The following TMEM38B variants were observed in gnomAD, a reference collection of about 807,000 sequenced individuals.
TMEM38B encodes trimeric intracellular cation channel type B.
Under a neutral mutation model 28.7 loss-of-function variants are expected in TMEM38B, and 24 were observed. The ratio of observed to expected loss-of-function variants is 0.84; its 90% CI spans 0.61 to 1.18. The LOEUF (loss-of-function observed/expected upper bound fraction) is 1.18. TMEM38B is among the 50% of genes most tolerant of loss of function. TMEM38B has a pLI of 0.00. For synonymous variants in TMEM38B, 131 were observed against 127.7 expected, an observed-to-expected ratio of 1.03 and a Z score of -0.17; for missense variants, 380 against 350.9, an observed-to-expected ratio of 1.08 and a Z score of -0.66.
At position 105,748,184 on chromosome 9, in the gene TMEM38B, C is replaced by T. The variant is rs1837502526; in HGVS notation, c.654C>T (p.Ala218=). ...TCCTTTATACCATCTTTATTGTGGC[C>T]ACAAAGGTAAGAATTCAAAGTACCT... ...LMFLYTIFIV[A]TKITMMTTQT... The change falls in exon 5 of 6, where the codon GCC becomes GCT. Residue 218 remains alanine (A), a synonymous_variant. Coordinates refer to ENST00000374692, the MANE Select transcript of TMEM38B (RefSeq NM_018112.3). The T allele has an allele frequency of 6.2e-7, 1 of 1,604,372 alleles. No homozygotes were observed. Among genetic ancestry groups the T allele is most frequent in the Non-Finnish European group, 8.5e-7 (1 of 1,172,164 alleles).
chr9:105,695,210 T>TCGCCACTCGCTCGCAGTGG (rs1564380934), intron 1 of TMEM38B, among the ~76,000 whole-genome samples: 1 of 152,062 alleles, frequency 6.6e-6, no homozygotes, highest in African/African-American at 2.4e-5. Context: ...GCTCGCAGTG[T>TCGCCACTCGCTCGCAGTGG]TTGAAAGTCA....
At chr9:105,737,776 G>A (rs761405199) in intron 4 of TMEM38B, among the ~76,000 whole-genome samples, 83 of 152,194 alleles carry the variant, frequency 5.5e-4, no homozygotes, top group Non-Finnish European at 4.0e-4. Flanking sequence ...GGAGTGCCAC[G>A]TCAGCTCCGG....
chr9:105,770,326 C>G (rs1010620529), intron 5 of TMEM38B, among the ~76,000 whole-genome samples: 2 of 152,114 alleles, frequency 1.3e-5, no homozygotes, highest in African/African-American at 4.8e-5. Flanking sequence ...GCATCCTTAG[C>G]ATTGAGTCTA....
Position 105,721,686 on chromosome 9 carries a change from G to C in TMEM38B, c.419G>C (p.Gly140Ala), listed in dbSNP as rs180727502. The change falls in exon 3 of 6, where the codon GGC (glycine) becomes GCC (alanine). Residue 140 changes from glycine (G) to alanine (A), a missense_variant. Physicochemically the swap from Gly to Ala is moderately conservative, Grantham distance 60 (BLOSUM62 0). Coordinates refer to ENST00000374692, the MANE Select transcript of TMEM38B (RefSeq NM_018112.3). Reference protein sequence around the residue: ...VTHANSYYKNGWIVMIAIGWA... With the variant: ...VTHANSYYKNAWIVMIAIGWA... ...CATGCTAATAGCTATTACAAAAATG[G>C]CTGGATAGTCATGATAGCTATTGGA... 6.2e-6 allele frequency: 10 copies of C among 1,613,044 alleles called. No homozygotes were observed. Among genetic ancestry groups the C allele is most frequent in the Non-Finnish European group, 7.6e-6 (9 of 1,179,446 alleles).
At chr9:105,726,057 C>T (rs1489437976) in intron 4 of TMEM38B, among the ~76,000 whole-genome samples, 4 of 151,756 alleles carry the variant, frequency 2.6e-5, no homozygotes, top group African/African-American at 4.8e-5. Flanking sequence ...TATTTTGAAC[C>T]AGGCATGCAG....
At position 105,694,608 on chromosome 9, in the gene TMEM38B, G is replaced by A. The variant is rs907137573; in HGVS notation, c.-53G>A. On this transcript the variant is annotated 5_prime_UTR_variant, in exon 1 of 6. Coordinates refer to ENST00000374692, the MANE Select transcript of TMEM38B (RefSeq NM_018112.3). ...CCCTCTCCTACTCCTCACCGCGCGA[G>A]CGCGGGGAACCAGTAGCCGCGGCTG... The A allele has an allele frequency of 1.3e-5, 19 of 1,506,996 alleles. No individual in the cohort carries two copies. The highest frequency in any genetic ancestry group is 1.8e-5 in the Non-Finnish European group (19 of 1,085,326). 93.4% of individuals were successfully genotyped at this position (1,506,996 alleles called of 1,614,324 possible).
At chr9:105,769,551 C>T (rs867672427) in intron 5 of TMEM38B, among the ~76,000 whole-genome samples, 1 of 152,102 alleles carries the variant, frequency 6.6e-6, no homozygotes, top group African/African-American at 2.4e-5. Context: ...TGGACTCAAG[C>T]AACCTTCCCG....
rs1196776463 is a variant in TMEM38B, at chr9:105,774,296, A to C, written c.*216A>C. ...TATCATGTGATTATGCTTTACCGGT[A>C]TAAGAGATTCTGTTGTGATTATTTG... On this transcript the variant is annotated 3_prime_UTR_variant, in exon 6 of 6. Coordinates refer to ENST00000374692, the MANE Select transcript of TMEM38B (RefSeq NM_018112.3). 2.4e-6 allele frequency: 1 copy of C among 421,682 alleles called. No individual in the cohort carries two copies. The highest frequency in any genetic ancestry group is 2.0e-5 in the African/African-American group (1 of 49,494). 26.1% of individuals were successfully genotyped at this position (421,682 alleles called of 1,614,324 possible).
intron 4 of TMEM38B, among the ~76,000 whole-genome samples, chr9:105,739,284 T>A (rs1837100006): frequency 6.6e-6 from 1 of 151,902 alleles, no homozygotes; most frequent in South Asian, 2.1e-4. Context: ...AATTAGGCAG[T>A]GTGTGTCCTT....
intron 4 of TMEM38B, among the ~76,000 whole-genome samples, 192 bp from the exon 5 acceptor site, chr9:105,747,881 G>A (rs1373860256): frequency 3.3e-5 from 5 of 152,196 alleles, no homozygotes; most frequent in African/African-American, 1.2e-4. Context: ...ATGTATTTGA[G>A]CAGTTTTGAG....
rs771079105 is a variant in TMEM38B, at chr9:105,694,624, G to A, written c.-37G>A. On this transcript the variant is annotated 5_prime_UTR_variant, in exon 1 of 6. Transcript: ENST00000374692. ...ACCGCGCGAGCGCGGGGAACCAGTA[G>A]CCGCGGCTGCTTCGGTTGCCGCGGT... 11 of 1,573,764 alleles carry A rather than the reference G, an allele frequency of 7.0e-6. No individual in the cohort carries two copies. Among genetic ancestry groups the A allele is most frequent in the Middle Eastern group, 1.8e-4 (1 of 5,688 alleles).
rs1826640067 is a variant in TMEM38B, at chr9:105,773,884, A to C, written c.680A>C (p.Gln227Pro). 1 of 1,613,470 alleles carries C rather than the reference A, an allele frequency of 6.2e-7. No homozygotes were observed. Residue 227 changes from glutamine (Q) to proline (P), a missense_variant, in exon 6 of 6, where the codon CAG (glutamine) becomes CCG (proline). Physicochemically the swap from Gln to Pro is moderately conservative, Grantham distance 76. Coordinates refer to ENST00000374692, the MANE Select transcript of TMEM38B (RefSeq NM_018112.3). ...CCCCAGATAACCATGATGACTACAC[A>C]GACTTCTACTATGACATTTGCTCCT... ...VATKITMMTTQTSTMTFAPFE... is the reference protein window; with the variant it reads ...VATKITMMTTPTSTMTFAPFE...
intron 5 of TMEM38B, among the ~76,000 whole-genome samples, chr9:105,768,537 C>A (rs1333611382): frequency 1.3e-5 from 2 of 151,942 alleles, no homozygotes; most frequent in Non-Finnish European, 2.9e-5. Flanking sequence ...TCATTTGGGC[C>A]TAGAATTTTC....
intron 4 of TMEM38B, among the ~76,000 whole-genome samples, chr9:105,730,031 A>C (rs913828436): frequency 8.5e-5 from 13 of 152,170 alleles, no homozygotes; most frequent in African/African-American, 3.1e-4. Flanking sequence ...AAACAGAGAC[A>C]ATTTGAATTC....
chr9:105,717,184 T>G (rs1408662231), intron 2 of TMEM38B, among the ~76,000 whole-genome samples: 1 of 152,154 alleles, frequency 6.6e-6, no homozygotes, highest in Non-Finnish European at 1.5e-5. Context: ...ACTTCTATGG[T>G]CTCCTCCCAT....
chr9:105,755,063 C>T (rs767703084), intron 5 of TMEM38B, among the ~76,000 whole-genome samples: 3 of 152,184 alleles, frequency 2.0e-5, no homozygotes, highest in Non-Finnish European at 2.9e-5. Context: ...TTCCTGGACA[C>T]ATACACCCTT....
At chr9:105,748,234 C>A in intron 5 of TMEM38B, 44 bp downstream of exon 5, 1 of 1,389,364 alleles carries the variant, frequency 7.2e-7, no homozygotes, top group Non-Finnish European at 1.0e-6. Flanking sequence ...TCCTGTATAA[C>A]TATTCCCCTT....
intron 5 of TMEM38B, among the ~76,000 whole-genome samples, chr9:105,765,480 T>G (rs923348463): frequency 1.1e-4 from 17 of 152,208 alleles, no homozygotes; most frequent in South Asian, 2.1e-4. Context: ...TTGGAGCATT[T>G]CCTTGTACCT....
chr9:105,699,317 T>TC (rs931607377), intron 1 of TMEM38B, among the ~76,000 whole-genome samples: 5 of 152,126 alleles, frequency 3.3e-5, no homozygotes, highest in Admixed American at 1.3e-4. Context: ...CTTTTTCCTA[T>TC]CCCCCCAGTG....
Sources: gnomAD v4.1 joint callset for allele counts (sites outside exome capture counted in the v4.1 genomes callset) on GRCh38, gnomAD v4.1.1 for gene constraint, MANE v1.5 for transcripts, NCBI Gene and HGNC (gene_info 2026-07-23, HGNC 2026-07-21) for gene names.